Variants in PBX1 observed in about 807,000 individuals in gnomAD.
PBX1 encodes the protein pre-B-cell leukemia transcription factor 1.
A neutral mutation model predicts 53.4 loss-of-function variants in PBX1; 6 were observed. That is an observed-to-expected ratio of 0.11 (90% CI 0.06 to 0.22). The LOEUF is 0.22. Among genes scored for constraint, PBX1 ranks in the 10% least tolerant of loss-of-function variants. The probability of loss-of-function intolerance (pLI) is 1.00; values close to 1 mark genes in which losing one functional copy is unlikely to be tolerated. For missense variants in PBX1, 251 were observed against 551.4 expected (o/e 0.46, Z 5.46); for synonymous variants, 204 against 212.3 (o/e 0.96, Z 0.34).
chr1:164,591,995 A>C (rs1327663462), intron 2 of PBX1, among the ~76,000 whole-genome samples: 1 of 152,084 alleles, frequency 6.6e-6, no homozygotes, highest in Non-Finnish European at 1.5e-5. Flanking sequence ...GCAAGTTGAC[A>C]GGTATAATTG....
intron 2 of PBX1, among the ~76,000 whole-genome samples, chr1:164,582,589 A>G (rs1654691214): frequency 6.6e-6 from 1 of 151,786 alleles, no homozygotes; most frequent in Non-Finnish European, 1.5e-5. Context: ...CACCCAGCTA[A>G]TTTTTGTATT....
chr1:164,708,952 G>A (rs1397657970), intron 2 of PBX1, among the ~76,000 whole-genome samples: 1 of 152,196 alleles, frequency 6.6e-6, no homozygotes, highest in Admixed American at 6.5e-5. Context: ...CAGGTACCAT[G>A]GTAGGTGCTG....
intron 2 of PBX1, among the ~76,000 whole-genome samples, chr1:164,878,735 G>T (rs1672573685): frequency 6.6e-6 from 1 of 151,990 alleles, no homozygotes; most frequent in Non-Finnish European, 1.5e-5. Flanking sequence ...TTAGAGAAAT[G>T]GGTAAAAAAA....
intron 8 of PBX1, among the ~76,000 whole-genome samples, chr1:164,837,691 C>T (rs1276293271): frequency 6.6e-6 from 1 of 152,172 alleles, no homozygotes; most frequent in African/African-American, 2.4e-5. Flanking sequence ...TTTTCTTTGC[C>T]AGGAGATCAG....
At chr1:164,780,664 C>T (rs1186671106) in intron 2 of PBX1, among the ~76,000 whole-genome samples, 1 of 152,122 alleles carries the variant, frequency 6.6e-6, no homozygotes, top group Non-Finnish European at 1.5e-5. Context: ...ATGGAATCGT[C>T]CCCAAAGCAG....
chr1:164,563,216 T>A (rs1433147152), intron 1 of PBX1, 22 bp from the exon 2 acceptor site: 3 of 1,574,300 alleles, frequency 1.9e-6, no homozygotes, highest in East Asian at 4.5e-5. Context: ...ACCTAAGCTA[T>A]CATGTTGTTT....
intron 2 of PBX1, among the ~76,000 whole-genome samples, chr1:164,871,950 T>C (rs1436213558): frequency 6.6e-6 from 1 of 152,166 alleles, no homozygotes; most frequent in Non-Finnish European, 1.5e-5. Context: ...ATCTTCCTCA[T>C]CTCTGTGTCC....
intron 2 of PBX1, among the ~76,000 whole-genome samples, chr1:164,873,869 G>A (rs920667812): frequency 6.6e-6 from 1 of 151,964 alleles, no homozygotes. Flanking sequence ...TTATACATAA[G>A]CCTTACAATA....
At chr1:164,879,134 G>A (rs759863839) in intron 2 of PBX1, among the ~76,000 whole-genome samples, 1 of 152,044 alleles carries the variant, frequency 6.6e-6, no homozygotes, top group African/African-American at 2.4e-5. Flanking sequence ...CTATACCTTT[G>A]GTTTTCTTAA....
At chr1:164,680,969 A>G (rs1661731726) in intron 2 of PBX1, among the ~76,000 whole-genome samples, 1 of 152,208 alleles carries the variant, frequency 6.6e-6, no homozygotes, top group Non-Finnish European at 1.5e-5. Context: ...TTTTTAATTT[A>G]AAACCCTTTC....
chr1:164,621,129 C>T (rs1375592192), intron 2 of PBX1, among the ~76,000 whole-genome samples: 3 of 152,218 alleles, frequency 2.0e-5, no homozygotes, highest in Admixed American at 6.5e-5. Flanking sequence ...GCTGGGACTA[C>T]AGGCGCGTGA....
chr1:164,702,388 C>T (rs1052774798), intron 2 of PBX1, among the ~76,000 whole-genome samples: 1 of 152,074 alleles, frequency 6.6e-6, no homozygotes, highest in Admixed American at 6.6e-5. Context: ...ATTGACTCAG[C>T]CTTATTTGCA....
intron 2 of PBX1, among the ~76,000 whole-genome samples, chr1:164,731,891 C>CT (rs1665009031): frequency 1.3e-5 from 2 of 152,160 alleles, no homozygotes; most frequent in Non-Finnish European, 2.9e-5. Flanking sequence ...TGCCACGAAG[C>CT]TTCCTGACCT....
At chr1:164,866,075 G>A (rs1249852937) in intron 2 of PBX1, among the ~76,000 whole-genome samples, 1 of 152,162 alleles carries the variant, frequency 6.6e-6, no homozygotes, top group African/African-American at 2.4e-5. Context: ...TAAGCTTCCA[G>A]TTCGTACACC....
intron 2 of PBX1, among the ~76,000 whole-genome samples, chr1:164,734,803 G>A (rs1665180713): frequency 6.6e-6 from 1 of 152,118 alleles, no homozygotes. Context: ...TTATATGATG[G>A]TACTGTGATC....
chr1:164,664,659 C>T (rs1013966041), intron 2 of PBX1, among the ~76,000 whole-genome samples: 3 of 152,140 alleles, frequency 2.0e-5, no homozygotes, highest in African/African-American at 4.8e-5. Flanking sequence ...TACCCAAGAC[C>T]GGACAAATTC....
At chr1:164,711,499 G>T (rs141312836) in intron 2 of PBX1, among the ~76,000 whole-genome samples, 1 of 152,162 alleles carries the variant, frequency 6.6e-6, no homozygotes, top group African/African-American at 2.4e-5. Flanking sequence ...TCCTGACCTC[G>T]TGATCCACAT....
chr1:164,672,033 TTC>T (rs1661146045), intron 2 of PBX1, among the ~76,000 whole-genome samples: 4 of 98,004 alleles, frequency 4.1e-5, no homozygotes, highest in African/African-American at 6.5e-5. Context: ...TTGTTTTTCT[TTC>T]TGTTTTTTTT....
intron 2 of PBX1, among the ~76,000 whole-genome samples, chr1:164,626,867 A>G (rs1485598227): frequency 6.6e-6 from 1 of 152,208 alleles, no homozygotes; most frequent in Non-Finnish European, 1.5e-5. Flanking sequence ...TTTAACAGGT[A>G]TAATAAAGGT....
Sources: gnomAD v4.1 joint callset for allele counts (sites outside exome capture counted in the v4.1 genomes callset) on GRCh38, gnomAD v4.1.1 for gene constraint, MANE v1.5 for transcripts, NCBI Gene and HGNC (gene_info 2026-07-23, HGNC 2026-07-21) for gene names.